ACBD6: variants seen among roughly 807,000 people sequenced by gnomAD.
The protein encoded by ACBD6 is acyl-CoA-binding domain-containing protein 6.
A neutral mutation model predicts 37.2 loss-of-function variants in ACBD6; 28 were observed. The ratio of observed to expected loss-of-function variants is 0.75; its 90% CI spans 0.56 to 1.03. The LOEUF (loss-of-function observed/expected upper bound fraction) is 1.03, where lower values mean the gene tolerates loss of function less well. ACBD6 is among the 50% of genes least tolerant of loss of function. The pLI is 0.00. For missense variants in ACBD6, 340 were observed against 337.4 expected (o/e 1.01, Z -0.06); for synonymous variants, 113 against 126.8 (o/e 0.89, Z 0.73).
intron 3 of ACBD6, among the ~76,000 whole-genome samples, chr1:180,436,321 G>C (rs1013335426): frequency 3.9e-5 from 6 of 152,162 alleles, no homozygotes; most frequent in Admixed American, 3.3e-4. Context: ...CCTAATTGAT[G>C]AGAAGCTCAC....
chr1:180,349,567 T>C (rs1295942062), intron 6 of ACBD6, among the ~76,000 whole-genome samples: 1 of 88,014 alleles, frequency 1.1e-5, no homozygotes, highest in Non-Finnish European at 2.4e-5. Context: ...TTAATTTCTT[T>C]AGTATAAAAA....
At chr1:180,450,361 C>T (rs6670544) in intron 3 of ACBD6, among the ~76,000 whole-genome samples, 73,916 of 152,030 alleles carry the variant, frequency 0.49, 20,795 homozygotes, top group South Asian at 0.66. Context: ...ACAAGAATGA[C>T]TGGGAAGGTA....
At chr1:180,304,588 T>C (rs1043523191) in intron 7 of ACBD6, among the ~76,000 whole-genome samples, 1 of 150,420 alleles carries the variant, frequency 6.6e-6, no homozygotes, top group African/African-American at 2.4e-5. Flanking sequence ...AAACCACTGC[T>C]CAAGGAAATA....
At chr1:180,299,602 T>G (rs1650050561) in intron 7 of ACBD6, among the ~76,000 whole-genome samples, 1 of 152,052 alleles carries the variant, frequency 6.6e-6, no homozygotes, top group Non-Finnish European at 1.5e-5. Context: ...TAATGCCTCC[T>G]CCCACTGCCC....
chr1:180,423,238 A>T (rs1648445305), intron 4 of ACBD6, among the ~76,000 whole-genome samples: 1 of 152,248 alleles, frequency 6.6e-6, no homozygotes, highest in Non-Finnish European at 1.5e-5. Flanking sequence ...ACTGAAAAAC[A>T]TCAACGTATA....
intron 3 of ACBD6, among the ~76,000 whole-genome samples, chr1:180,492,006 C>T (rs888189703): frequency 6.6e-6 from 1 of 152,100 alleles, no homozygotes; most frequent in African/African-American, 2.4e-5. Flanking sequence ...GATGAGATTT[C>T]ACCATGCTGG....
chr1:180,303,275 T>C (rs1326543581), intron 7 of ACBD6, among the ~76,000 whole-genome samples: 3 of 145,450 alleles, frequency 2.1e-5, no homozygotes, highest in East Asian at 2.0e-4. Context: ...CTGAAGGAGA[T>C]AGAGACACAA....
intron 4 of ACBD6, among the ~76,000 whole-genome samples, chr1:180,420,103 T>C (rs997166774): frequency 6.6e-6 from 1 of 152,226 alleles, no homozygotes; most frequent in African/African-American, 2.4e-5. Flanking sequence ...ATTCTACATC[T>C]TGTTCCTCAT....
chr1:180,361,598 C>T (rs1290432991), intron 6 of ACBD6, among the ~76,000 whole-genome samples: 1 of 147,620 alleles, frequency 6.8e-6, no homozygotes, highest in Non-Finnish European at 1.5e-5. Flanking sequence ...GAAAGCCAAC[C>T]CTCAAAGGAG....
At chr1:180,495,329 G>A in intron 2 of ACBD6, 132 bp downstream of exon 2, 1 of 610,550 alleles carries the variant, frequency 1.6e-6, no homozygotes, top group Non-Finnish European at 2.7e-6. Flanking sequence ...CCAATTGCCT[G>A]TCATTAGTAC....
intron 6 of ACBD6, among the ~76,000 whole-genome samples, chr1:180,388,902 GAAATT>G (rs1207500322): frequency 6.6e-6 from 1 of 152,090 alleles, no homozygotes; most frequent in Non-Finnish European, 1.5e-5. Flanking sequence ...TCAAATGAAA[GAAATT>G]AAATAAGACC....
At chr1:180,362,427 GA>G (rs1652885711) in intron 6 of ACBD6, among the ~76,000 whole-genome samples, 1 of 152,052 alleles carries the variant, frequency 6.6e-6, no homozygotes, top group African/African-American at 2.4e-5. Flanking sequence ...ACTGACAAAA[GA>G]AGGTGAAACA....
At chr1:180,449,680 G>C (rs1039714028) in intron 3 of ACBD6, among the ~76,000 whole-genome samples, 1 of 151,670 alleles carries the variant, frequency 6.6e-6, no homozygotes, top group African/African-American at 2.4e-5. Context: ...ACCAAACACC[G>C]CATGTTCTCA....
rs528824284 is a variant in ACBD6, at chr1:180,414,816, A to G, written c.468-1345T>C. On this transcript the variant is annotated intron_variant, in intron 4 of 7. Transcript: ENST00000367595. The stretch of plus-strand genomic sequence containing the variant: ...ATGGTCACTTGAAGAGGCCCTGTTA[A>G]ACAGAAGAGAAAATGCTTTTTCGAT... Among the ~76,000 whole-genome samples the G allele has an allele frequency of 9.8e-5, 15 of 152,346 alleles. No individual in the cohort carries two copies. The South Asian group carries it at 1.9e-3, about 19-fold the overall frequency.
chr1:180,322,367 C>A (rs1365529926), intron 6 of ACBD6, among the ~76,000 whole-genome samples: 1 of 151,958 alleles, frequency 6.6e-6, no homozygotes, highest in Non-Finnish European at 1.5e-5. Context: ...TAATACTGGC[C>A]TTATAGAATG....
chr1:180,397,640 C>A (rs757809391), intron 5 of ACBD6, 35 bp from the exon 6 acceptor site: 2 of 1,501,154 alleles, frequency 1.3e-6, no homozygotes, highest in Non-Finnish European at 1.9e-6. Flanking sequence ...TTTGTTATCT[C>A]AGTTGTGGAG....
At chr1:180,377,872 G>A (rs1043089367) in intron 6 of ACBD6, among the ~76,000 whole-genome samples, 4 of 151,840 alleles carry the variant, frequency 2.6e-5, no homozygotes, top group Admixed American at 6.6e-5. Flanking sequence ...GCTTGAACCC[G>A]GGAGGCGGAG....
At chr1:180,274,410 A>G in intron 10 of ACBD6, 1 of 1,614,156 alleles carries the variant, frequency 6.2e-7, no homozygotes. Flanking sequence ...TACACGGTGG[A>G]CAGTAATTTG....
intron 3 of ACBD6, among the ~76,000 whole-genome samples, chr1:180,486,759 G>GA (rs1651282403): frequency 6.6e-6 from 1 of 152,054 alleles, no homozygotes; most frequent in Non-Finnish European, 1.5e-5. Context: ...ATTACAAAGG[G>GA]AAAAATAGGA....
Sources: gnomAD v4.1 joint callset for allele counts (sites outside exome capture counted in the v4.1 genomes callset) on GRCh38, gnomAD v4.1.1 for gene constraint, MANE v1.5 for transcripts, NCBI Gene and HGNC (gene_info 2026-07-23, HGNC 2026-07-21) for gene names.